DOCK10: variants seen among roughly 807,000 people sequenced by gnomAD.
DOCK10 encodes dedicator of cytokinesis 10.
Under a neutral mutation model 280.1 loss-of-function variants are expected in DOCK10, and 145 were observed. The observed-to-expected ratio is 0.52, with a 90% confidence interval of 0.45 to 0.59. The LOEUF is 0.59. Among genes scored for constraint, DOCK10 ranks in the 20% least tolerant of loss-of-function variants. The probability of loss-of-function intolerance (pLI) is 0.00; values close to 1 mark genes in which losing one functional copy is unlikely to be tolerated. For missense variants in DOCK10, 2,368 were observed against 2,651.7 expected, an observed-to-expected ratio of 0.89 and a Z score of 2.35; for synonymous variants, 915 against 942.2, an observed-to-expected ratio of 0.97 and a Z score of 0.53.
intron 1 of DOCK10, among the ~76,000 whole-genome samples, chr2:224,993,211 T>TG (rs1403482210): frequency 6.6e-6 from 1 of 151,958 alleles, no homozygotes; most frequent in East Asian, 1.9e-4. Flanking sequence ...AGTTTTTTTT[T>TG]TTTTTTTGCT....
chr2:224,982,920 CAT>C (rs1247505747), intron 1 of DOCK10, among the ~76,000 whole-genome samples: 3 of 152,060 alleles, frequency 2.0e-5, no homozygotes, highest in African/African-American at 7.2e-5. Context: ...TTATCTGAAA[CAT>C]AGAGTTCACT....
intron 33 of DOCK10, chr2:224,807,362 G>A (rs1693458906): frequency 4.3e-6 from 1 of 229,914 alleles, no homozygotes; most frequent in Non-Finnish European, 8.7e-6. Context: ...GAAAGTGGTA[G>A]GAGAAGGTGT....
intron 1 of DOCK10, among the ~76,000 whole-genome samples, chr2:225,030,738 A>C (rs140286203): frequency 6.6e-6 from 1 of 152,204 alleles, no homozygotes; most frequent in Non-Finnish European, 1.5e-5. Flanking sequence ...AATTCTGCTC[A>C]GTTTACTTCA....
chr2:224,921,112 A>AAAAATATATATATAT, intron 2 of DOCK10, among the ~76,000 whole-genome samples: 1 of 54,418 alleles, frequency 1.8e-5, no homozygotes, highest in Non-Finnish European at 3.0e-5. Flanking sequence ...AAAAAAAAAA[A>AAAAATATATATATAT]ATATATATAT....
At chr2:224,955,570 T>C (rs1051359002) in intron 1 of DOCK10, among the ~76,000 whole-genome samples, 5 of 152,238 alleles carry the variant, frequency 3.3e-5, no homozygotes, top group African/African-American at 1.2e-4. Context: ...TGCATTTGTG[T>C]CTTTTAAGGC....
intron 1 of DOCK10, among the ~76,000 whole-genome samples, chr2:224,945,516 A>G (rs1214251814): frequency 1.3e-5 from 2 of 152,142 alleles, no homozygotes; most frequent in Non-Finnish European, 1.5e-5. Context: ...TAGAAACTGA[A>G]CAAACAACAA....
chr2:224,878,678 A>T (rs933727508), intron 7 of DOCK10, among the ~76,000 whole-genome samples: 1 of 152,262 alleles, frequency 6.6e-6, no homozygotes, highest in Non-Finnish European at 1.5e-5. Context: ...AATGCTAACT[A>T]TGGTTCTCAT....
intron 1 of DOCK10, chr2:224,946,727 T>TG (rs1281379154): frequency 8.0e-6 from 5 of 626,994 alleles, no homozygotes; most frequent in Non-Finnish European, 1.3e-5. Flanking sequence ...TGGAATCTTC[T>TG]GTTCCATATA....
chr2:224,787,251 C>A (rs756468312), intron 49 of DOCK10, 24 bp downstream of exon 49: 1 of 1,613,616 alleles, frequency 6.2e-7, no homozygotes, highest in Non-Finnish European at 8.5e-7. Flanking sequence ...TTTTAATTAA[C>A]TTCTAGGGGG....
rs1490283994 is a variant in DOCK10, at chr2:224,807,997, C to T, written c.3499G>A (p.Glu1167Lys). 1 of 1,612,822 alleles carries T rather than the reference C, an allele frequency of 6.2e-7. No individual in the cohort carries two copies. Among genetic ancestry groups the T allele is most frequent in the Non-Finnish European group, 8.5e-7 (1 of 1,179,382 alleles). ...LLREVGFALQ[E>K]DQDVRHLALA... ...GCTAAGTGTCTGACATCTTGGTCTT[C>T]CTGCAGGGCAAAGCCAACTTCTCGG... The change falls in exon 32 of 56, where the codon GAA (glutamate) becomes AAA (lysine). Residue 1167 changes from glutamate to lysine, a missense_variant. Transcript: ENST00000258390.
chr2:224,780,528 A>AT (rs1218815079), intron 50 of DOCK10, among the ~76,000 whole-genome samples: 1 of 152,172 alleles, frequency 6.6e-6, no homozygotes, highest in East Asian at 1.9e-4. Flanking sequence ...ACAAAGACAC[A>AT]TTTTCACTGT....
At chr2:224,948,477 C>T (rs981288052) in intron 1 of DOCK10, among the ~76,000 whole-genome samples, 11 of 152,154 alleles carry the variant, frequency 7.2e-5, no homozygotes, top group African/African-American at 1.7e-4. Flanking sequence ...CTCAAAGTAA[C>T]GCTTTGACAT....
At position 224,918,130 on chromosome 2, in the gene DOCK10, C is replaced by T. The variant is rs568345454; in HGVS notation, c.244-1346G>A. 9.8e-5 allele frequency among the ~76,000 whole-genome samples: 15 copies of T among 152,342 alleles called. 1 individual carries two copies. The highest frequency in any genetic ancestry group is 3.6e-4 in the African/African-American group (15 of 41,582). Reference sequence around the variant, plus strand: ...GGCGGCGTCCTTCCCATCATTCCTTCTCTTCCAATCCTGGACTCTTATTTT... The same window carrying T: ...GGCGGCGTCCTTCCCATCATTCCTTTTCTTCCAATCCTGGACTCTTATTTT... On this transcript the variant is annotated intron_variant, in intron 2 of 55. Transcript: ENST00000258390.
intron 1 of DOCK10, among the ~76,000 whole-genome samples, chr2:225,002,418 C>CA (rs1706464423): frequency 6.6e-6 from 1 of 152,182 alleles, no homozygotes; most frequent in African/African-American, 2.4e-5. Context: ...CCAAGAACAG[C>CA]AATGACAACA....
chr2:224,938,685 C>T (rs1313379039), intron 1 of DOCK10, among the ~76,000 whole-genome samples: 1 of 152,182 alleles, frequency 6.6e-6, no homozygotes, highest in African/African-American at 2.4e-5. Flanking sequence ...ATCCAGGACC[C>T]TTTGACCTTA....
chr2:225,022,132 C>T (rs897116865), intron 1 of DOCK10, among the ~76,000 whole-genome samples: 3 of 152,194 alleles, frequency 2.0e-5, no homozygotes, highest in African/African-American at 7.2e-5. Flanking sequence ...TTCATGCATA[C>T]ATACACACAC....
chr2:225,037,896 C>A (rs905031234), intron 1 of DOCK10, among the ~76,000 whole-genome samples: 2 of 152,114 alleles, frequency 1.3e-5, no homozygotes, highest in Non-Finnish European at 2.9e-5. Flanking sequence ...CTCCAATGCC[C>A]TTGAGAAATA....
chr2:225,020,670 G>T (rs148297421), intron 1 of DOCK10, among the ~76,000 whole-genome samples: 24 of 152,296 alleles, frequency 1.6e-4, no homozygotes, highest in African/African-American at 5.8e-4. Flanking sequence ...CTAAAAATGC[G>T]TTGCAAGCAA....
intron 1 of DOCK10, among the ~76,000 whole-genome samples, chr2:225,041,757 GCCCCAGCTCTAA>G (rs1202941554): frequency 6.6e-6 from 1 of 152,052 alleles, no homozygotes; most frequent in Non-Finnish European, 1.5e-5. Context: ...ACGTCGGGGG[GCCCCAGCTCTAA>G]CCAGGGCGAG....
Sources: allele counts gnomAD v4.1 joint callset (sites outside exome capture counted in the v4.1 genomes callset), GRCh38; gene constraint gnomAD v4.1.1; transcripts MANE v1.5; gene names NCBI Gene and HGNC (gene_info 2026-07-23, HGNC 2026-07-21).